The following PLBD1 variants were observed in gnomAD, a reference collection of about 807,000 sequenced individuals.
PLBD1 encodes phospholipase B domain containing 1, also known as lysosomal leucine aminopeptidase.
PLBD1 carries 60 observed loss-of-function variants against 63.0 expected under a neutral mutation model. The ratio of observed to expected loss-of-function variants is 0.95; its 90% confidence interval spans 0.77 to 1.18. The LOEUF is 1.18. Ranked by LOEUF, PLBD1 falls within the 50% of genes most tolerant of loss-of-function variation. PLBD1 has a pLI of 0.00. For missense variants in PLBD1, 598 were observed against 677.9 expected, an observed-to-expected ratio of 0.88 and a Z score of 1.31; for synonymous variants, 262 against 248.0, an observed-to-expected ratio of 1.06 and a Z score of -0.53.
intron 1 of PLBD1, among the ~76,000 whole-genome samples, chr12:14,561,978 T>C (rs561258832): frequency 6.6e-6 from 1 of 152,314 alleles, no homozygotes; most frequent in Non-Finnish European, 1.5e-5. Flanking sequence ...TTTGGTGTCC[T>C]AGGTTTGCAA....
chr12:14,554,176 T>C (rs1198832534), intron 1 of PLBD1: 1 of 152,302 alleles, frequency 6.6e-6, no homozygotes, highest in East Asian at 1.9e-4. Context: ...ATGGTGTTGA[T>C]AATTTTGTGG....
At chr12:14,531,513 G>C (rs1253163653) in intron 6 of PLBD1, among the ~76,000 whole-genome samples, 1 of 152,144 alleles carries the variant, frequency 6.6e-6, no homozygotes, top group East Asian at 1.9e-4. Context: ...AAAAAATTGT[G>C]AATGATAATT....
chr12:14,526,187 A>G (rs1160196191), intron 6 of PLBD1, among the ~76,000 whole-genome samples: 1 of 152,220 alleles, frequency 6.6e-6, no homozygotes, highest in Non-Finnish European at 1.5e-5. Flanking sequence ...AAACACTTCC[A>G]TCAAAAGTAA....
Position 14,540,110 on chromosome 12 carries a change from T to TATATA in PLBD1, c.558+653_558+654insTATAT, listed in dbSNP as rs1565577674. ...GAGAGTTATATAATATAAATATTAT[T>TATATA]TATATATATATATATATATATACTG... On this transcript the variant is annotated intron_variant, in intron 4 of 10. Coordinates refer to ENST00000240617, the MANE Select transcript of PLBD1 (RefSeq NM_024829.6). Among the ~76,000 whole-genome samples the TATATA allele has an allele frequency of 2.4e-3, 218 of 91,778 alleles. 10 individuals carry two copies. Among genetic ancestry groups the TATATA allele is most frequent in the African/African-American group, 9.0e-3 (208 of 23,042 alleles). The allele number at this position is 91,778 out of a possible 152,430, so 60.2% of individuals were successfully genotyped here. A position where few individuals can be genotyped will look rare whatever the true frequency, so the allele number is the denominator to read the frequency against.
chr12:14,567,632 AGCAG>A lies in PLBD1; in HGVS notation c.61_64del (p.Leu21CysfsTer8), dbSNP rs1945804899. ...GACTAACAACAGCGGCAGCAGCAGC[AGCAG>A]CAGCAGAAGCGGTGGCGGCTGTGGC... On this transcript the variant is annotated frameshift_variant, in exon 1 of 11. Coordinates refer to ENST00000240617, the MANE Select transcript of PLBD1 (RefSeq NM_024829.6). LOFTEE classifies it high-confidence loss of function. 6.7e-7 allele frequency: 1 copy of A among 1,498,566 alleles called. No individual in the cohort carries two copies. Among genetic ancestry groups the A allele is most frequent in the Admixed American group, 2.2e-5 (1 of 45,882 alleles). The allele number at this position is 1,498,566 out of a possible 1,614,324, so 92.8% of individuals were successfully genotyped here.
chr12:14,504,538 C>T (rs1334167124), intron 10 of PLBD1, among the ~76,000 whole-genome samples: 1 of 152,224 alleles, frequency 6.6e-6, no homozygotes, highest in African/African-American at 2.4e-5. Context: ...TTAAAAATCA[C>T]TTAACCCCTC....
At chr12:14,540,424 C>A (rs1018983979) in intron 4 of PLBD1, among the ~76,000 whole-genome samples, 2 of 151,802 alleles carry the variant, frequency 1.3e-5, no homozygotes, top group Non-Finnish European at 2.9e-5. Context: ...AACTTGTATA[C>A]TTAAACATCT....
rs747745304 is a variant in PLBD1, at chr12:14,503,732, G to T, written c.*40C>A. 5.9e-6 allele frequency: 9 copies of T among 1,527,196 alleles called. No individual in the cohort carries two copies. Among genetic ancestry groups the T allele is most frequent in the Non-Finnish European group, 7.2e-6 (8 of 1,111,392 alleles). The allele number at this position is 1,527,196 out of a possible 1,614,324, so 94.6% of individuals were successfully genotyped here. ...AAACATAGCTAAAATAGTGCCTTTG[G>T]TATCTTATTTACAGTCTTCTAGTCC... On this transcript the variant is annotated 3_prime_UTR_variant, in exon 11 of 11. Transcript: ENST00000240617.
At chr12:14,540,385 G>A (rs1163538374) in intron 4 of PLBD1, among the ~76,000 whole-genome samples, 2 of 151,856 alleles carry the variant, frequency 1.3e-5, no homozygotes, top group Admixed American at 1.3e-4. Context: ...ATGTGTTTAT[G>A]TGAATGTTGT....
At chr12:14,543,967 A>C (rs1945595665) in intron 2 of PLBD1, among the ~76,000 whole-genome samples, 1 of 151,630 alleles carries the variant, frequency 6.6e-6, no homozygotes, top group Non-Finnish European at 1.5e-5. Context: ...ACATTCTAGT[A>C]AGATATTTCT....
intron 1 of PLBD1, among the ~76,000 whole-genome samples, chr12:14,557,607 C>T (rs960701373): frequency 2.6e-5 from 4 of 152,214 alleles, no homozygotes; most frequent in African/African-American, 7.2e-5. Context: ...AGGAGCTAAA[C>T]GATGAGACAC....
At chr12:14,548,400 TAAGCCGAGA>T (rs1336402268) in intron 2 of PLBD1, among the ~76,000 whole-genome samples, 1 of 132,072 alleles carries the variant, frequency 7.6e-6, no homozygotes, top group East Asian at 2.2e-4. Context: ...GAGGTTGCAG[TAAGCCGAGA>T]TTGTGCCACT....
Position 14,542,190 on chromosome 12 carries a change from A to G in PLBD1, c.419+18T>C. The G allele has an allele frequency of 6.4e-7, 1 of 1,566,492 alleles. No homozygotes were observed. Among genetic ancestry groups the G allele is most frequent in the Admixed American group, 1.7e-5 (1 of 58,910 alleles). ...CCAACATTTAAAACAATGAAAAGAGAAAAGCTATTATACGTACTCCATAAA... is the reference window on the plus strand; with the variant it reads ...CCAACATTTAAAACAATGAAAAGAGGAAAGCTATTATACGTACTCCATAAA... On this transcript the variant is annotated intron_variant, in intron 3 of 10. Transcript: ENST00000240617.
rs138962194 is a variant in PLBD1, at chr12:14,567,431, G to A, written c.115+151C>T. On this transcript the variant is annotated intron_variant, in intron 1 of 10. Transcript: ENST00000240617. ...CTCGCTGCGCAGCCGCAGGGCTGGA[G>A]CGAGACCGCCGGCCGGAGGCGCGTT... The A allele has an allele frequency of 1.5e-3, 1,768 of 1,142,456 alleles. 15 individuals are homozygous for A. The South Asian group carries it at 0.017, about 11-fold the overall frequency. The allele number at this position is 1,142,456 out of a possible 1,614,324, so 70.8% of individuals were successfully genotyped here.
chr12:14,555,557 C>G (rs1945696363), intron 1 of PLBD1, among the ~76,000 whole-genome samples: 1 of 152,100 alleles, frequency 6.6e-6, no homozygotes, highest in Non-Finnish European at 1.5e-5. Flanking sequence ...AAAAACAAAA[C>G]AAAACAAAAA....
intron 2 of PLBD1, among the ~76,000 whole-genome samples, chr12:14,551,140 G>A (rs1007813136): frequency 1.3e-5 from 2 of 152,018 alleles, no homozygotes; most frequent in African/African-American, 4.8e-5. Flanking sequence ...CAAGGTGGGA[G>A]GATCACGAGG....
intron 6 of PLBD1, among the ~76,000 whole-genome samples, chr12:14,527,164 G>A (rs185024813): frequency 6.6e-6 from 1 of 152,224 alleles, no homozygotes; most frequent in Admixed American, 6.5e-5. Context: ...AAGACATCTA[G>A]CCCCATCTCT....
intron 5 of PLBD1, chr12:14,536,133 CA>C: frequency 3.9e-6 from 1 of 256,732 alleles, no homozygotes; most frequent in Non-Finnish European, 7.4e-6. Flanking sequence ...CTGTCTAAAC[CA>C]AAAATACAAG....
intron 10 of PLBD1, among the ~76,000 whole-genome samples, chr12:14,505,251 A>G (rs1220619279): frequency 6.6e-6 from 1 of 152,102 alleles, no homozygotes; most frequent in Non-Finnish European, 1.5e-5. Flanking sequence ...ATAGAGAATC[A>G]TGTGCAACTG....
Sources: allele counts gnomAD v4.1 joint callset (sites outside exome capture counted in the v4.1 genomes callset), GRCh38; gene constraint gnomAD v4.1.1; transcripts MANE v1.5; gene names NCBI Gene and HGNC (gene_info 2026-07-23, HGNC 2026-07-21).